STOX2: variants seen among roughly 807,000 people sequenced by gnomAD.
The protein encoded by STOX2 is storkhead-box protein 2.
Under a neutral mutation model 60.9 loss-of-function variants are expected in STOX2, and 28 were observed. The ratio of observed to expected loss-of-function variants is 0.46; its 90% confidence interval spans 0.34 to 0.63. The LOEUF (loss-of-function observed/expected upper bound fraction) is 0.63, where lower values mean the gene tolerates loss of function less well. Ranked by LOEUF, STOX2 falls within the 30% of genes least tolerant of loss-of-function variation. The pLI, the probability that STOX2 is intolerant of heterozygous loss-of-function variation, is 0.01. For missense variants in STOX2, 1,024 were observed against 1,187.7 expected, an observed-to-expected ratio of 0.86 and a Z score of 2.03; for synonymous variants, 472 against 463.9, an observed-to-expected ratio of 1.02 and a Z score of -0.22.
intron 1 of STOX2, among the ~76,000 whole-genome samples, chr4:183,851,351 GA>G: frequency 1.2e-5 from 1 of 85,954 alleles, no homozygotes; most frequent in Non-Finnish European, 2.6e-5. Flanking sequence ...GAAAGGATGA[GA>G]GAAAGGATGA....
chr4:183,829,581 T>G (rs73870910), intron 1 of STOX2, among the ~76,000 whole-genome samples: 4,711 of 152,302 alleles, frequency 0.031, 211 homozygotes, highest in African/African-American at 0.11. Context: ...GTCACCAGCA[T>G]AGGTAACACA....
intron 1 of STOX2, among the ~76,000 whole-genome samples, chr4:183,918,150 C>T (rs67853527): frequency 0.077 from 11,707 of 152,250 alleles, 528 homozygotes; most frequent in South Asian, 0.13. Context: ...GAGTTAAAAG[C>T]GGCTTTAAAT....
intron 1 of STOX2, among the ~76,000 whole-genome samples, chr4:183,889,490 T>C (rs1477323792): frequency 1.3e-5 from 2 of 152,240 alleles, no homozygotes; most frequent in Admixed American, 6.5e-5. Context: ...GTGAGACAGT[T>C]TCCGCTGTGT....
intron 1 of STOX2, among the ~76,000 whole-genome samples, chr4:183,832,529 C>T (rs1739595693): frequency 7.9e-6 from 1 of 127,160 alleles, no homozygotes; most frequent in Admixed American, 9.3e-5. Context: ...CTTGCTCTGT[C>T]ACCCAGGCTG....
Position 183,906,126 on chromosome 4 carries a change from A to G in STOX2, c.-665A>G, listed in dbSNP as rs1288457202. The G allele has an allele frequency of 6.6e-6, 1 of 152,166 alleles. No homozygotes were observed. Among genetic ancestry groups the G allele is most frequent in the Non-Finnish European group, 1.5e-5 (1 of 68,082 alleles). 9.4% of individuals were successfully genotyped at this position (152,166 alleles called of 1,614,324 possible). Reference sequence around the variant, plus strand: ...CCTGTGCACACGCGCCCCCCGCTCGAGCCTCTGTGATGAAGACTGTCTCCC... The same window carrying G: ...CCTGTGCACACGCGCCCCCCGCTCGGGCCTCTGTGATGAAGACTGTCTCCC... On this transcript the variant is annotated 5_prime_UTR_variant, in exon 1 of 4. Transcript: ENST00000308497.
intron 1 of STOX2, among the ~76,000 whole-genome samples, chr4:183,824,278 C>A (rs73010519): frequency 0.024 from 3,697 of 152,216 alleles, 122 homozygotes; most frequent in African/African-American, 0.085. Context: ...AAAGCTAATA[C>A]AATATTCTCA....
intron 1 of STOX2, among the ~76,000 whole-genome samples, chr4:183,910,767 A>G (rs934766222): frequency 6.6e-6 from 1 of 152,216 alleles, no homozygotes; most frequent in Non-Finnish European, 1.5e-5. Context: ...GCCTTTGAAA[A>G]GAAAGATAAA....
chr4:183,842,651 A>G (rs1739889158), intron 1 of STOX2, among the ~76,000 whole-genome samples: 1 of 152,178 alleles, frequency 6.6e-6, no homozygotes, highest in South Asian at 2.1e-4. Flanking sequence ...CTCATACACC[A>G]TGTTGGCTGC....
chr4:183,899,314 T>A (rs1741412595), intron 1 of STOX2, among the ~76,000 whole-genome samples: 1 of 152,196 alleles, frequency 6.6e-6, no homozygotes, highest in African/African-American at 2.4e-5. Context: ...ACATGTCTCT[T>A]ACTTGAAATC....
chr4:183,942,898 G>A (rs11132214), intron 1 of STOX2, among the ~76,000 whole-genome samples: 110,953 of 152,142 alleles, frequency 0.73, 45,652 homozygotes, highest in Non-Finnish European at 0.93. Context: ...TAAAGTAAAT[G>A]GCTTTTGATT....
In STOX2 at chr4:184,018,121, AG is replaced by A. The variant is rs1319919529; in HGVS notation, c.*839del. 6.6e-6 allele frequency: 1 copy of A among 152,208 alleles called. No individual in the cohort carries two copies. Among genetic ancestry groups the A allele is most frequent in the African/African-American group, 2.4e-5 (1 of 41,446 alleles). 9.4% of individuals were successfully genotyped at this position (152,208 alleles called of 1,614,324 possible). A position where few individuals can be genotyped will look rare whatever the true frequency, so the allele number is the denominator to read the frequency against. On this transcript the variant is annotated 3_prime_UTR_variant, in exon 4 of 4. Coordinates refer to ENST00000308497, the MANE Select transcript of STOX2 (RefSeq NM_020225.3). ...TGAAAAGGTGATGTGGACTTGTAAA[AG>A]GTGTTACTCAAATATTGAAGGAAGA... is the stretch of plus-strand genomic sequence containing the variant.
intron 1 of STOX2, among the ~76,000 whole-genome samples, chr4:183,956,479 TATCTC>T (rs1743256034): frequency 6.6e-6 from 1 of 151,216 alleles, no homozygotes; most frequent in African/African-American, 2.4e-5. Context: ...TCTATCTATC[TATCTC>T]TAGTATCTAT....
intron 1 of STOX2, among the ~76,000 whole-genome samples, chr4:183,897,453 T>C (rs1741363204): frequency 6.6e-6 from 1 of 152,196 alleles, no homozygotes; most frequent in Non-Finnish European, 1.5e-5. Context: ...TACATGCTAA[T>C]TGTCAAAGAC....
chr4:183,970,044 T>C (rs923088906), intron 1 of STOX2, among the ~76,000 whole-genome samples: 2 of 152,086 alleles, frequency 1.3e-5, no homozygotes, highest in Admixed American at 1.3e-4. Context: ...CCTGTCTCAA[T>C]AGAGACTGTG....
chr4:183,993,855 GT>G (rs1315117886), intron 1 of STOX2, among the ~76,000 whole-genome samples: 1 of 152,220 alleles, frequency 6.6e-6, no homozygotes, highest in East Asian at 1.9e-4. Context: ...GCAGGAGCAT[GT>G]GAGGTAATGG....
chr4:183,930,013 C>G (rs550462561), intron 1 of STOX2, among the ~76,000 whole-genome samples: 9 of 151,778 alleles, frequency 5.9e-5, no homozygotes, highest in East Asian at 3.9e-4. Context: ...ATGGGCGCCC[C>G]TCACCACGCC....
intron 1 of STOX2, among the ~76,000 whole-genome samples, chr4:183,890,536 A>AGGAAGGAGGGAGGGAGGGAGGGAG (rs1741184404): frequency 2.4e-5 from 3 of 122,578 alleles, no homozygotes; most frequent in Non-Finnish European, 3.3e-5. Context: ...AAAGGAGGGA[A>AGGAAGGAGGGAGGGAGGGAGGGAG]GGAAGGAGAG....
rs1216597895 is a variant in STOX2 at position 183,906,935 on chromosome 4, T to C, written c.145T>C (p.Ser49Pro). 6.5e-7 allele frequency: 1 copy of C among 1,548,166 alleles called. No homozygotes were observed. The highest frequency in any genetic ancestry group is 1.4e-5 in the African/African-American group (1 of 72,976). The change falls in exon 1 of 4, where the codon TCG (serine) becomes CCG (proline). Residue 49 changes from serine (S) to proline (P), a missense_variant. Transcript: ENST00000308497. ...RFPAAFAPQA[S>P]RGYMTSGDVS... Reference sequence around the variant, plus strand: ...CCCCGCGGCCTTCGCGCCCCAGGCTTCGCGGGGCTACATGACATCAGGTTG... The same window carrying C: ...CCCCGCGGCCTTCGCGCCCCAGGCTCCGCGGGGCTACATGACATCAGGTTG...
intron 1 of STOX2, among the ~76,000 whole-genome samples, chr4:183,916,456 C>T (rs200865338): frequency 1.3e-5 from 2 of 152,162 alleles, no homozygotes; most frequent in South Asian, 2.1e-4. Context: ...CTCAGGACCT[C>T]GGCTTCCTTA....
Sources: allele counts gnomAD v4.1 joint callset (sites outside exome capture counted in the v4.1 genomes callset), GRCh38; gene constraint gnomAD v4.1.1; transcripts MANE v1.5; gene names NCBI Gene and HGNC (gene_info 2026-07-23, HGNC 2026-07-21).